Variants in ALDH6A1 observed in about 807,000 individuals in gnomAD.
The protein encoded by ALDH6A1 is aldehyde dehydrogenase 6 family member A1, also known as methylmalonate-semialdehyde/malonate-semialdehyde dehydrogenase [acylating], mitochondrial.
In ALDH6A1, 43 loss-of-function variants were observed where a neutral mutation model predicts 62.6. The observed-to-expected ratio is 0.69, with a 90% CI of 0.54 to 0.89. The LOEUF is 0.89. ALDH6A1 is among the 40% of genes least tolerant of loss of function. The pLI, the probability that ALDH6A1 is intolerant of heterozygous loss-of-function variation, is 0.00. For missense variants in ALDH6A1, 551 were observed against 661.3 expected (o/e 0.83, Z 1.83); for synonymous variants, 194 against 234.2 (o/e 0.83, Z 1.57).
Position 74,071,514 on chromosome 14 carries a change from A to G in ALDH6A1, c.428-17T>C. The G allele has an allele frequency of 6.2e-7, 1 of 1,613,370 alleles. No homozygotes were observed. Among genetic ancestry groups the G allele is most frequent in the Non-Finnish European group, 8.5e-7 (1 of 1,180,028 alleles). On this transcript the variant is annotated splice_polypyrimidine_tract_variant and intron_variant, in intron 5 of 11. Transcript: ENST00000553458. Reference sequence around the variant, plus strand: ...CAACCACCTCTGGAACACAGAAGTCAGGCCATCAGCTCTCCACACTGTGTA... The same window carrying G: ...CAACCACCTCTGGAACACAGAAGTCGGGCCATCAGCTCTCCACACTGTGTA...
chr14:74,057,056 T>C lies in ALDH6A1; in HGVS notation c.*3586A>G. The C allele has an allele frequency of 6.3e-7, 1 of 1,592,830 alleles. No individual in the cohort carries two copies. Among genetic ancestry groups the C allele is most frequent in the East Asian group, 2.2e-5 (1 of 44,700 alleles). On this transcript the variant is annotated 3_prime_UTR_variant, in exon 12 of 12. Transcript: ENST00000553458. Reference sequence around the variant, plus strand: ...TTGTGGGCATCTTGAATGTGCTAATTGAAAGTAATATGACAAGTCTGTTAT... The same window carrying C: ...TTGTGGGCATCTTGAATGTGCTAATCGAAAGTAATATGACAAGTCTGTTAT...
intron 2 of ALDH6A1, among the ~76,000 whole-genome samples, chr14:74,074,484 C>T (rs1362864365): frequency 6.6e-6 from 1 of 151,316 alleles, no homozygotes; most frequent in Non-Finnish European, 1.5e-5. Context: ...ATGTGGTTTC[C>T]CCATGTTGGC....
In ALDH6A1 at chr14:74,057,036, G is replaced by A. The variant is rs2060228018; in HGVS notation, c.*3606C>T. On this transcript the variant is annotated 3_prime_UTR_variant, in exon 12 of 12. Coordinates refer to ENST00000553458, the MANE Select transcript of ALDH6A1 (RefSeq NM_005589.4). The stretch of plus-strand genomic sequence containing the variant: ...TGAGCCCAACACGATGGTTCTTGTG[G>A]GCATCTTGAATGTGCTAATTGAAAG... 6.3e-7 allele frequency: 1 copy of A among 1,587,708 alleles called. No individual in the cohort carries two copies.
chr14:74,064,522 T>C (rs2139760635), intron 11 of ALDH6A1, among the ~76,000 whole-genome samples: 1 of 152,122 alleles, frequency 6.6e-6, no homozygotes, highest in East Asian at 1.9e-4. Context: ...GATTAGGAGT[T>C]AGTCAGATGA....
chr14:74,066,690 G>A lies in ALDH6A1; in HGVS notation c.1224+15C>T. ...TGCCTTCAGCTCTCATATTTGTGAA[G>A]TGAAAGTTGTTCACCTTGACATTCG... On this transcript the variant is annotated intron_variant, in intron 9 of 11. Transcript: ENST00000553458. The A allele has an allele frequency of 6.2e-7, 1 of 1,612,496 alleles. No homozygotes were observed. The highest frequency in any genetic ancestry group is 1.7e-4 in the Middle Eastern group (1 of 6,046).
intron 1 of ALDH6A1, among the ~76,000 whole-genome samples, chr14:74,083,875 C>T (rs1175128477): frequency 6.6e-6 from 1 of 152,188 alleles, no homozygotes; most frequent in Non-Finnish European, 1.5e-5. Context: ...CCCCCCTCCC[C>T]CTTACCTCAG....
chr14:74,063,696 T>C (rs2060397666), intron 11 of ALDH6A1, among the ~76,000 whole-genome samples: 1 of 150,952 alleles, frequency 6.6e-6, no homozygotes, highest in Admixed American at 6.6e-5. Flanking sequence ...TGAAACCCTA[T>C]CTCCACTAAA....
chr14:74,071,330 C>T lies in ALDH6A1; in HGVS notation c.595G>A (p.Ala199Thr), dbSNP rs759603010. Residue 199 changes from alanine (A) to threonine (T), a missense_variant, in exon 6 of 12, where the codon GCC becomes ACC. Physicochemically the swap from Ala to Thr is moderately conservative, Grantham distance 58 (BLOSUM62 0). Transcript: ENST00000553458. ...AGGAAGGTATTTCCACACACCATGGCCATGGGAAACATCCAAAGGGGGATC... is the reference window on the plus strand; with the variant it reads ...AGGAAGGTATTTCCACACACCATGGTCATGGGAAACATCCAAAGGGGGATC... ...AMIPLWMFPMAMVCGNTFLMK... is the reference protein window; with the variant it reads ...AMIPLWMFPMTMVCGNTFLMK... 20 of 1,614,094 alleles carry T rather than the reference C, an allele frequency of 1.2e-5. 2 individuals carry two copies. In the South Asian group the frequency reaches 2.2e-4, roughly 18 times the overall value.
At chr14:74,065,423 A>C in intron 9 of ALDH6A1, 63 bp from the exon 10 acceptor site, 1 of 1,480,246 alleles carries the variant, frequency 6.8e-7, no homozygotes, top group Non-Finnish European at 9.3e-7. Context: ...TTTTATGCTT[A>C]TTTGGTACTT....
chr14:74,066,833 G>A lies in ALDH6A1; in HGVS notation c.1096C>T (p.Arg366Ter), dbSNP rs756777014. 3.7e-6 allele frequency: 6 copies of A among 1,613,792 alleles called. No individual in the cohort carries two copies. The highest frequency in any genetic ancestry group is 1.3e-5 in the African/African-American group (1 of 74,860). Residue 366 changes from arginine (R) to a stop codon, truncating the protein, a stop_gained, in exon 9 of 12, where the codon CGA becomes TGA. Transcript: ENST00000553458. LOFTEE classifies it high-confidence loss of function. Reference sequence around the variant, plus strand: ...CCACTATCAATCAGATTACAGACTCGCTCTTTGGCCTGGGGAGTGATCAGA... The same window carrying A: ...CCACTATCAATCAGATTACAGACTCACTCTTTGGCCTGGGGAGTGATCAGA... ...GPLITPQAKERVCNLIDSGTK... is the reference protein window; with the variant it reads ...GPLITPQAKE
rs1274316163 is a variant in ALDH6A1, at chr14:74,057,023, G to A, written c.*3619C>T. On this transcript the variant is annotated 3_prime_UTR_variant, in exon 12 of 12. Coordinates refer to ENST00000553458, the MANE Select transcript of ALDH6A1 (RefSeq NM_005589.4). ...TAAGTAATAAACATGAGCCCAACAC[G>A]ATGGTTCTTGTGGGCATCTTGAATG... 4 of 1,584,330 alleles carry A rather than the reference G, an allele frequency of 2.5e-6. No homozygotes were observed. Among genetic ancestry groups the A allele is most frequent in the Admixed American group, 3.5e-5 (2 of 57,604 alleles).
chr14:74,063,331 C>A (rs1200213583), intron 11 of ALDH6A1, among the ~76,000 whole-genome samples: 3 of 151,690 alleles, frequency 2.0e-5, no homozygotes, highest in African/African-American at 7.3e-5. Context: ...GGATTATAGG[C>A]ACCTGCCACC....
rs1419629871 is a variant in ALDH6A1, at chr14:74,057,672, TAAGA to T, written c.*2966_*2969del. 7.7e-7 allele frequency: 1 copy of T among 1,302,488 alleles called. No individual in the cohort carries two copies. The highest frequency in any genetic ancestry group is 1.0e-6 in the Non-Finnish European group (1 of 1,002,888). 80.7% of individuals were successfully genotyped at this position (1,302,488 alleles called of 1,614,324 possible). ...TTTTTTTAAGCCAAGTTTTTCTCTTTAAGAGTTTTTAATTTATAATTTGTTATTC... is the reference window on the plus strand; with the variant it reads ...TTTTTTTAAGCCAAGTTTTTCTCTTTGTTTTTAATTTATAATTTGTTATTC... On this transcript the variant is annotated 3_prime_UTR_variant, in exon 12 of 12. Coordinates refer to ENST00000553458, the MANE Select transcript of ALDH6A1 (RefSeq NM_005589.4).
intron 1 of ALDH6A1, among the ~76,000 whole-genome samples, chr14:74,083,189 C>G (rs1373672176): frequency 6.6e-6 from 1 of 152,144 alleles, no homozygotes; most frequent in East Asian, 1.9e-4. Context: ...TAAAACTGCC[C>G]AAGTTTCTTT....
chr14:74,071,542 AG>A lies in ALDH6A1; in HGVS notation c.428-46del, dbSNP rs753783668. On this transcript the variant is annotated intron_variant, in intron 5 of 11. Coordinates refer to ENST00000553458, the MANE Select transcript of ALDH6A1 (RefSeq NM_005589.4). Reference sequence around the variant, plus strand: ...CCATCAGCTCTCCACACTGTGTACTAGTTAGCTTTGTCCTGTTCTCTTCAGC... The same window carrying A: ...CCATCAGCTCTCCACACTGTGTACTATTAGCTTTGTCCTGTTCTCTTCAGC... 423 of 1,612,526 alleles carry A rather than the reference AG, an allele frequency of 2.6e-4. 1 individual carries two copies. The highest frequency in any genetic ancestry group is 1.8e-3 in the Middle Eastern group (9 of 4,886).
At chr14:74,067,942 C>CA (rs1313481047) in intron 7 of ALDH6A1, among the ~76,000 whole-genome samples, 3 of 127,192 alleles carry the variant, frequency 2.4e-5, no homozygotes, top group Admixed American at 1.6e-4. Flanking sequence ...AACAAACAAA[C>CA]AAAAAACAGG....
Position 74,058,448 on chromosome 14 carries a change from G to GAAAAAAAAA in ALDH6A1, c.*2185_*2193dup, listed in dbSNP as rs138897281. 1.8e-5 allele frequency: 2 copies of GAAAAAAAAA among 110,022 alleles called. No homozygotes were observed. Among genetic ancestry groups the GAAAAAAAAA allele is most frequent in the Non-Finnish European group, 4.0e-5 (2 of 49,648 alleles). The allele number at this position is 110,022 out of a possible 1,614,324, so 6.8% of individuals were successfully genotyped here. A position where few individuals can be genotyped will look rare whatever the true frequency, so the allele number is the denominator to read the frequency against. ...CTATTGCCTCATATTTAGGAAAGCAGAAAAAAAAAAAAAAAAGGCCCAGTA... is the reference window on the plus strand; with the variant it reads ...CTATTGCCTCATATTTAGGAAAGCAGAAAAAAAAAAAAAAAAAAAAAAAAAGGCCCAGTA... On this transcript the variant is annotated 3_prime_UTR_variant, in exon 12 of 12. Transcript: ENST00000553458.
chr14:74,081,927 C>T (rs942620797), intron 1 of ALDH6A1, among the ~76,000 whole-genome samples: 3 of 152,118 alleles, frequency 2.0e-5, no homozygotes, highest in Admixed American at 2.0e-4. Flanking sequence ...ATTTTCTTGC[C>T]CAGGTGCAGC....
chr14:74,062,562 C>G (rs1408372691), intron 11 of ALDH6A1, among the ~76,000 whole-genome samples: 2 of 151,914 alleles, frequency 1.3e-5, no homozygotes, highest in East Asian at 1.9e-4. Flanking sequence ...GATCATGCCA[C>G]TATACTCCAG....
Sources: allele counts gnomAD v4.1 joint callset (sites outside exome capture counted in the v4.1 genomes callset), GRCh38; gene constraint gnomAD v4.1.1; transcripts MANE v1.5; gene names NCBI Gene and HGNC (gene_info 2026-07-23, HGNC 2026-07-21).